LRRC57: variants seen among roughly 807,000 people sequenced by gnomAD.
LRRC57 encodes leucine rich repeat containing 57.
LRRC57 carries 14 observed loss-of-function variants against 23.1 expected under a neutral mutation model. The observed-to-expected ratio is 0.61, with a 90% CI of 0.40 to 0.95. The LOEUF (loss-of-function observed/expected upper bound fraction) is 0.95. Among genes scored for constraint, LRRC57 ranks in the 40% least tolerant of loss-of-function variants. The pLI is 0.00. For missense variants in LRRC57, 236 were observed against 284.4 expected (o/e 0.83, Z 1.22); for synonymous variants, 106 against 115.2 (o/e 0.92, Z 0.51).
chr15:42,542,028 G>C lies in LRRC57; in HGVS notation c.*2055C>G, dbSNP rs979737522. ...CCCGCCTCGGCCTCCCAAAGTGCTG[G>C]GATTACAGGCGTGAGCCACCGCGCC... On this transcript the variant is annotated 3_prime_UTR_variant, in exon 6 of 6. Coordinates refer to ENST00000397130, the MANE Select transcript of LRRC57 (RefSeq NM_153260.3). 6.7e-6 allele frequency: 1 copy of C among 150,158 alleles called. No individual in the cohort carries two copies. The highest frequency in any genetic ancestry group is 1.5e-5 in the Non-Finnish European group (1 of 67,808). The allele number at this position is 150,158 out of a possible 1,614,324, so 9.3% of individuals were successfully genotyped here.
chr15:42,548,200 G>A lies in LRRC57; in HGVS notation c.129C>T (p.Ile43=). The change falls in exon 3 of 6, where the codon ATC becomes ATT. Residue 43 remains isoleucine, a synonymous_variant. Transcript: ENST00000397130. ...LQKLTSNLRT[I]DLSNNKIESL... Reference sequence around the variant, plus strand: ...TTTCGATCTTGTTGTTGGACAAGTCGATGGTCCTGAGATTGCTCGTCAGCT... The same window carrying A: ...TTTCGATCTTGTTGTTGGACAAGTCAATGGTCCTGAGATTGCTCGTCAGCT... 1.2e-6 allele frequency: 2 copies of A among 1,614,174 alleles called. No individual in the cohort carries two copies. The highest frequency in any genetic ancestry group is 1.7e-6 in the Non-Finnish European group (2 of 1,180,032).
At chr15:42,528,941 A>G in the LRRC57 span, among the ~76,000 whole-genome samples, 1 of 152,166 alleles carries the variant, frequency 6.6e-6, no homozygotes, top group Non-Finnish European at 1.5e-5. Context: ...ACTTTTCTTT[A>G]TACTTTTCAG....
chr15:42,536,034 C>T (rs978318453), downstream of LRRC57, among the ~76,000 whole-genome samples: 6 of 152,072 alleles, frequency 3.9e-5, no homozygotes, highest in East Asian at 1.9e-4. Context: ...GCCATGATTG[C>T]GCCACTACAC....
Position 42,544,189 on chromosome 15 carries a change from A to T in LRRC57, c.679-65T>A, listed in dbSNP as rs1473684924. ...TGAGTAAATAAATATAAGCCTAACTATTTTTTTTTTCATTTTGGTTTTTAT... is the reference window on the plus strand; with the variant it reads ...TGAGTAAATAAATATAAGCCTAACTTTTTTTTTTTTCATTTTGGTTTTTAT... On this transcript the variant is annotated intron_variant, in intron 5 of 5. Coordinates refer to ENST00000397130, the MANE Select transcript of LRRC57 (RefSeq NM_153260.3). 5.5e-5 allele frequency: 69 copies of T among 1,257,278 alleles called. 1 individual carries two copies. The East Asian group carries it at 1.2e-3, about 21-fold the overall frequency. The allele number at this position is 1,257,278 out of a possible 1,614,324, so 77.9% of individuals were successfully genotyped here.
chr15:42,534,178 T>C (rs75523423), downstream of LRRC57, among the ~76,000 whole-genome samples: 1 of 152,240 alleles, frequency 6.6e-6, no homozygotes, highest in Non-Finnish European at 1.5e-5. Context: ...TCATCCAGGC[T>C]GGAGTGCAGT....
chr15:42,544,692 T>C (rs905119953), intron 5 of LRRC57, among the ~76,000 whole-genome samples: 1 of 150,860 alleles, frequency 6.6e-6, no homozygotes. Flanking sequence ...CACACGACTG[T>C]GATCCCAGCT....
Position 42,548,695 on chromosome 15 carries a change from C to T in LRRC57, c.-25G>A. 1 of 625,530 alleles carries T rather than the reference C, an allele frequency of 1.6e-6. No homozygotes were observed. The highest frequency in any genetic ancestry group is 2.8e-6 in the Non-Finnish European group (1 of 360,196). 38.7% of individuals were successfully genotyped at this position (625,530 alleles called of 1,614,324 possible). On this transcript the variant is annotated splice_region_variant and 5_prime_UTR_variant, in exon 1 of 6. Coordinates refer to ENST00000397130, the MANE Select transcript of LRRC57 (RefSeq NM_153260.3). ...AGATCAGGGAGCCCCGGACTCGCCT[C>T]CCACCGCTCAGCTGCCGTAAGGCTC...
intron 1 of LRRC57, 115 bp from the exon 2 acceptor site, chr15:42,548,571 A>G: frequency 1.3e-6 from 1 of 799,308 alleles, no homozygotes; most frequent in Non-Finnish European, 2.0e-6. Context: ...GCCCGACCCA[A>G]GAGCGACAAG....
chr15:42,546,944 G>A (rs1408995085), intron 4 of LRRC57, among the ~76,000 whole-genome samples: 2 of 152,182 alleles, frequency 1.3e-5, no homozygotes, highest in Non-Finnish European at 2.9e-5. Flanking sequence ...TGGCTAGCTG[G>A]TTAGGGGCAT....
the LRRC57 span, among the ~76,000 whole-genome samples, chr15:42,528,838 G>A: frequency 2.6e-5 from 4 of 152,062 alleles, no homozygotes; most frequent in Non-Finnish European, 5.9e-5. Context: ...CACCTGCCTC[G>A]GCCTCCCAAA....
Position 42,548,694 on chromosome 15 carries a change from T to C in LRRC57, c.-24A>G, listed in dbSNP as rs545252366. On this transcript the variant is annotated splice_region_variant and 5_prime_UTR_variant, in exon 1 of 6. Transcript: ENST00000397130. ...AAGATCAGGGAGCCCCGGACTCGCC[T>C]CCCACCGCTCAGCTGCCGTAAGGCT... 239 of 624,188 alleles carry C rather than the reference T, an allele frequency of 3.8e-4. 2 individuals carry two copies. In the South Asian group the frequency reaches 4.4e-3, roughly 11 times the overall value. The allele number at this position is 624,188 out of a possible 1,614,324, so 38.7% of individuals were successfully genotyped here.
chr15:42,534,525 T>G (rs1298746633), downstream of LRRC57, among the ~76,000 whole-genome samples: 1 of 152,236 alleles, frequency 6.6e-6, no homozygotes, highest in East Asian at 1.9e-4. Flanking sequence ...CCTCCTTTCA[T>G]GAATCATGAA....
the LRRC57 span, chr15:42,528,446 T>A: frequency 6.2e-7 from 1 of 1,611,484 alleles, no homozygotes; most frequent in Non-Finnish European, 8.5e-7. Context: ...CTGATATTCC[T>A]GTACCTTTCT....
chr15:42,547,290 C>G lies in LRRC57; in HGVS notation c.463G>C (p.Val155Leu). 1 of 1,614,162 alleles carries G rather than the reference C, an allele frequency of 6.2e-7. No individual in the cohort carries two copies. Among genetic ancestry groups the G allele is most frequent in the South Asian group, 1.1e-5 (1 of 91,076 alleles). Residue 155 changes from valine (V) to leucine (L), a missense_variant, in exon 4 of 6, where the codon GTC becomes CTC. Val to Leu is a conservative substitution (Grantham distance 32, BLOSUM62 1). Transcript: ENST00000397130. Reference sequence around the variant, plus strand: ...TTCTGGTTGAGGTTGAGTTCGATGACTTGCAGCTCTCCCACTGAGTCAGGT... The same window carrying G: ...TTCTGGTTGAGGTTGAGTTCGATGAGTTGCAGCTCTCCCACTGAGTCAGGT... Reference protein sequence around the residue: ...SIPDSVGELQVIELNLNQNQI... With the variant: ...SIPDSVGELQLIELNLNQNQI...
In LRRC57 at chr15:42,543,970, A is replaced by G; in HGVS notation, c.*113T>C. ...TGAGTGAAATATAATCTCCTGAAGT[A>G]TCATCTCCTTACTGTAGATACCCCT... is the stretch of plus-strand genomic sequence containing the variant. On this transcript the variant is annotated 3_prime_UTR_variant, in exon 6 of 6. Transcript: ENST00000397130. The G allele has an allele frequency of 1.4e-6, 1 of 694,130 alleles. No individual in the cohort carries two copies. The allele number at this position is 694,130 out of a possible 1,614,324, so 43.0% of individuals were successfully genotyped here.
At chr15:42,547,561 T>C (rs2057666340) in intron 3 of LRRC57, 32 bp from the exon 4 acceptor site, 2 of 1,584,808 alleles carry the variant, frequency 1.3e-6, no homozygotes, top group Admixed American at 1.8e-5. Flanking sequence ...AAAACCTGAA[T>C]GTGATAGAGC....
intron 5 of LRRC57, 76 bp from the exon 6 acceptor site, chr15:42,544,200 C>A: frequency 1.7e-6 from 2 of 1,210,932 alleles, no homozygotes; most frequent in South Asian, 1.4e-5. Context: ...TTTTTTTTTT[C>A]ATTTTGGTTT....
At chr15:42,532,027 C>T in the LRRC57 span, 1 of 151,718 alleles carries the variant, frequency 6.6e-6, no homozygotes, top group African/African-American at 2.4e-5. Context: ...TTATACACAA[C>T]GTTTTTGTTA....
rs779004807 is a variant in LRRC57 at position 42,545,282 on chromosome 15, G to T, written c.493-20C>A. Reference sequence around the variant, plus strand: ...AGATATCTATTGAAAAACCACAAAAGAATAACAGGAAAAAGCATAAGCACT... The same window carrying T: ...AGATATCTATTGAAAAACCACAAAATAATAACAGGAAAAAGCATAAGCACT... On this transcript the variant is annotated intron_variant, in intron 4 of 5. Transcript: ENST00000397130. 6 of 1,530,310 alleles carry T rather than the reference G, an allele frequency of 3.9e-6. No individual in the cohort carries two copies. The highest frequency in any genetic ancestry group is 1.8e-6 in the Non-Finnish European group (2 of 1,138,784). 94.8% of individuals were successfully genotyped at this position (1,530,310 alleles called of 1,614,324 possible). A position where few individuals can be genotyped will look rare whatever the true frequency, so the allele number is the denominator to read the frequency against.
Sources: allele counts gnomAD v4.1 joint callset (sites outside exome capture counted in the v4.1 genomes callset), GRCh38; gene constraint gnomAD v4.1.1; transcripts MANE v1.5; gene names NCBI Gene and HGNC (gene_info 2026-07-23, HGNC 2026-07-21).